DLGAP2: variants seen among roughly 807,000 people sequenced by gnomAD.
DLGAP2 encodes disks large-associated protein 2.
In DLGAP2, 26 loss-of-function variants were observed where a neutral mutation model predicts 100.3. The observed-to-expected ratio is 0.26, with a 90% confidence interval of 0.19 to 0.36. The LOEUF is 0.36. DLGAP2 is among the 10% of genes least tolerant of loss of function. The pLI, the probability that DLGAP2 is intolerant of heterozygous loss-of-function variation, is 1.00. For synonymous variants in DLGAP2, 886 were observed against 630.1 expected, an observed-to-expected ratio of 1.41 and a Z score of -6.08; for missense variants, 1,858 against 1,453.2, an observed-to-expected ratio of 1.28 and a Z score of -4.53.
chr8:1,357,727 A>T (rs926950867), intron 3 of DLGAP2, among the ~76,000 whole-genome samples: 1 of 152,156 alleles, frequency 6.6e-6, no homozygotes, highest in East Asian at 1.9e-4. Flanking sequence ...GCAGCACCAC[A>T]CCAGAAGCCT....
chr8:1,007,393 C>G (rs993176538), intron 2 of DLGAP2, among the ~76,000 whole-genome samples: 2 of 152,210 alleles, frequency 1.3e-5, no homozygotes, highest in Admixed American at 6.5e-5. Flanking sequence ...AGAAGGAAGA[C>G]CAGCATTTTC....
At chr8:887,588 CA>C (rs1456073602) in intron 1 of DLGAP2, among the ~76,000 whole-genome samples, 1 of 152,162 alleles carries the variant, frequency 6.6e-6, no homozygotes, top group Non-Finnish European at 1.5e-5. Flanking sequence ...AATCCCTCAG[CA>C]TTTTCTTGTC....
chr8:1,301,157 G>T (rs1397375460), intron 3 of DLGAP2: 2 of 152,386 alleles, frequency 1.3e-5, no homozygotes, highest in Non-Finnish European at 2.9e-5. Context: ...GGTTAGCCAA[G>T]TCCTTCTGGC....
At chr8:819,630 A>G (rs1247976211) in intron 1 of DLGAP2, among the ~76,000 whole-genome samples, 1 of 152,262 alleles carries the variant, frequency 6.6e-6, no homozygotes, top group Non-Finnish European at 1.5e-5. Flanking sequence ...GAGATCAATG[A>G]ATGAACATTA....
intron 6 of DLGAP2, among the ~76,000 whole-genome samples, chr8:1,603,175 G>A (rs963196260): frequency 1.3e-5 from 2 of 151,576 alleles, no homozygotes; most frequent in African/African-American, 2.4e-5. Flanking sequence ...TACAGAGGCT[G>A]GTTAGAGTGG....
intron 3 of DLGAP2, among the ~76,000 whole-genome samples, chr8:1,344,543 A>G (rs536002453): frequency 6.6e-5 from 10 of 152,208 alleles, no homozygotes; most frequent in Admixed American, 5.9e-4. Context: ...CATTTTCTCC[A>G]TAAGGATGTC....
chr8:1,171,981 A>C (rs149936505), intron 2 of DLGAP2, among the ~76,000 whole-genome samples: 1 of 151,930 alleles, frequency 6.6e-6, no homozygotes, highest in Admixed American at 6.6e-5. Flanking sequence ...CCTAGTCTGG[A>C]TGGTCTTTAC....
chr8:987,663 C>T (rs1800526953), intron 2 of DLGAP2, among the ~76,000 whole-genome samples: 1 of 152,170 alleles, frequency 6.6e-6, no homozygotes, highest in Non-Finnish European at 1.5e-5. Context: ...ATCCTGCTGT[C>T]TTCCCCTTGA....
chr8:1,005,011 G>C (rs1466196719), intron 2 of DLGAP2, among the ~76,000 whole-genome samples: 1 of 152,174 alleles, frequency 6.6e-6, no homozygotes, highest in East Asian at 1.9e-4. Flanking sequence ...TGTAGTGGTT[G>C]AATGAGATGT....
At chr8:1,241,150 T>TCGTGTCTCGTTCTCTCACATGGA (rs1798784440) in intron 2 of DLGAP2, among the ~76,000 whole-genome samples, 1 of 39,416 alleles carries the variant, frequency 2.5e-5, no homozygotes, top group Admixed American at 2.8e-4. Context: ...TCTCACGTGG[T>TCGTGTCTCGTTCTCTCACATGGA]GCCATGTCTA....
chr8:771,322 G>A (rs1053013088), intron 1 of DLGAP2, among the ~76,000 whole-genome samples: 1 of 152,196 alleles, frequency 6.6e-6, no homozygotes, highest in Non-Finnish European at 1.5e-5. Context: ...AGGATCGAGG[G>A]ACCTCTGTGA....
intron 1 of DLGAP2, among the ~76,000 whole-genome samples, chr8:888,376 C>A (rs112129071): frequency 2.0e-5 from 3 of 152,188 alleles, no homozygotes; most frequent in African/African-American, 7.2e-5. Context: ...CTGAAGCTTA[C>A]TTCTGTCAAT....
chr8:879,837 T>C (rs1797753378), intron 1 of DLGAP2, among the ~76,000 whole-genome samples: 1 of 152,226 alleles, frequency 6.6e-6, no homozygotes, highest in Admixed American at 6.5e-5. Flanking sequence ...GCCTCCACTT[T>C]ATGTGAGCTC....
In DLGAP2 at chr8:1,331,544, C is replaced by T. The variant is rs75213248; in HGVS notation, c.106+72661C>T. ...CTGGGCAGTGTTTGTAAACTCTTTG[C>T]GTTTAGAGTCTTTGCTGTTCATCCA... On this transcript the variant is annotated intron_variant, in intron 3 of 14. Coordinates refer to ENST00000637795, the MANE Select transcript of DLGAP2 (RefSeq NM_001346810.2). 1.1e-3 allele frequency among the ~76,000 whole-genome samples: 170 copies of T among 152,262 alleles called. 1 individual carries two copies. The highest frequency in any genetic ancestry group is 3.8e-3 in the African/African-American group (156 of 41,560).
intron 4 of DLGAP2, among the ~76,000 whole-genome samples, chr8:1,513,689 C>T (rs1404004948): frequency 2.6e-5 from 4 of 152,188 alleles, no homozygotes; most frequent in Non-Finnish European, 4.4e-5. Flanking sequence ...GTAAAAGCTT[C>T]CTAATCATAT....
At chr8:1,618,145 A>G (rs192939351) in intron 6 of DLGAP2, among the ~76,000 whole-genome samples, 1 of 152,268 alleles carries the variant, frequency 6.6e-6, no homozygotes. Flanking sequence ...CGAAATTTAA[A>G]AGGAAGGAGC....
chr8:1,501,356 G>T lies in DLGAP2; in HGVS notation c.107-10G>T. ...CGCATTAAAGAGTGACTTTGTTTCT[G>T]TCTTTGCAGAGGAAGAAGCTGGAGA... On this transcript the variant is annotated splice_polypyrimidine_tract_variant and intron_variant, in intron 3 of 14. Coordinates refer to ENST00000637795, the MANE Select transcript of DLGAP2 (RefSeq NM_001346810.2). 5 of 1,535,916 alleles carry T rather than the reference G, an allele frequency of 3.3e-6. No homozygotes were observed. The highest frequency in any genetic ancestry group is 3.5e-6 in the Non-Finnish European group (4 of 1,146,740).
At chr8:852,747 T>C (rs1356391320) in intron 1 of DLGAP2, among the ~76,000 whole-genome samples, 3 of 152,194 alleles carry the variant, frequency 2.0e-5, no homozygotes, top group Admixed American at 6.5e-5. Flanking sequence ...CAAGGCTGAG[T>C]GCATTCTCGG....
At chr8:825,093 A>G (rs1028293476) in intron 1 of DLGAP2, among the ~76,000 whole-genome samples, 4 of 151,688 alleles carry the variant, frequency 2.6e-5, no homozygotes, top group Non-Finnish European at 5.9e-5. Context: ...ATCCCCCAGA[A>G]CTCACTGCAG....
Sources: gnomAD v4.1 joint callset for allele counts (sites outside exome capture counted in the v4.1 genomes callset) on GRCh38, gnomAD v4.1.1 for gene constraint, MANE v1.5 for transcripts, NCBI Gene and HGNC (gene_info 2026-07-23, HGNC 2026-07-21) for gene names.